The following GRIK2 variants were observed in gnomAD, a reference collection of about 807,000 sequenced individuals.
The protein encoded by GRIK2 is glutamate receptor ionotropic, kainate 2.
A neutral mutation model predicts 100.3 loss-of-function variants in GRIK2; 32 were observed. That is an observed-to-expected ratio of 0.32 (90% CI 0.24 to 0.43). The LOEUF (loss-of-function observed/expected upper bound fraction) is 0.43, where lower values mean the gene tolerates loss of function less well. GRIK2 is among the 20% of genes least tolerant of loss of function. The probability of loss-of-function intolerance (pLI) is 1.00; values close to 1 mark genes in which losing one functional copy is unlikely to be tolerated. For missense variants in GRIK2, 843 were observed against 1,114.9 expected (o/e 0.76, Z 3.47); for synonymous variants, 417 against 389.4 (o/e 1.07, Z -0.83).
chr6:101,973,088 T>G (rs1277116151), intron 14 of GRIK2, among the ~76,000 whole-genome samples: 2 of 151,864 alleles, frequency 1.3e-5, no homozygotes, highest in African/African-American at 4.8e-5. Context: ...GCCCAGAGTT[T>G]AATCATGAAA....
intron 7 of GRIK2, among the ~76,000 whole-genome samples, chr6:101,791,157 A>G (rs1779825427): frequency 6.6e-6 from 1 of 152,108 alleles, no homozygotes; most frequent in Non-Finnish European, 1.5e-5. Context: ...TCAAAAAACC[A>G]GCTCCTGGAT....
chr6:101,498,842 T>A (rs1369376809), intron 2 of GRIK2, among the ~76,000 whole-genome samples: 2 of 152,230 alleles, frequency 1.3e-5, no homozygotes, highest in Admixed American at 1.3e-4. Flanking sequence ...GATGGTAGTT[T>A]CTTTTGCTGT....
At chr6:101,577,529 C>T (rs1777847233) in intron 2 of GRIK2, among the ~76,000 whole-genome samples, 1 of 151,996 alleles carries the variant, frequency 6.6e-6, no homozygotes, top group African/African-American at 2.4e-5. Context: ...TATGAGCCTT[C>T]AATCCAAATA....
At position 101,676,718 on chromosome 6, in the gene GRIK2, C is replaced by G; in HGVS notation, c.637C>G (p.Pro213Ala). The G allele has an allele frequency of 6.2e-7, 1 of 1,606,470 alleles. No individual in the cohort carries two copies. The highest frequency in any genetic ancestry group is 8.5e-7 in the Non-Finnish European group (1 of 1,174,342). ...ACCTGCTGATACAAAGGATGCAAAACCCTTACTAAAAGAAATGAAAAGAGG... is the reference window on the plus strand; with the variant it reads ...ACCTGCTGATACAAAGGATGCAAAAGCCTTACTAAAAGAAATGAAAAGAGG... ...QLPADTKDAK[P>A]LLKEMKRGKE... The change falls in exon 5 of 17, where the codon CCC becomes GCC. Residue 213 changes from proline (P) to alanine (A), a missense_variant. Pro to Ala is a conservative substitution (Grantham distance 27, BLOSUM62 -1). Transcript: ENST00000369134.
intron 2 of GRIK2, among the ~76,000 whole-genome samples, chr6:101,486,392 G>A (rs1056215115): frequency 1.6e-5 from 1 of 61,026 alleles, no homozygotes; most frequent in South Asian, 5.9e-4. Context: ...GGGGTGGGGC[G>A]GGGGGGGGAA....
chr6:101,835,758 C>T (rs1783042424), intron 10 of GRIK2, among the ~76,000 whole-genome samples: 1 of 147,742 alleles, frequency 6.8e-6, no homozygotes, highest in African/African-American at 2.5e-5. Context: ...AACCATGGCG[C>T]CCAGCCTATG....
chr6:101,938,507 T>G (rs902289424), intron 14 of GRIK2, among the ~76,000 whole-genome samples: 3 of 152,142 alleles, frequency 2.0e-5, no homozygotes, highest in Admixed American at 6.6e-5. Flanking sequence ...ATGGTAAATG[T>G]CTTATTCTTA....
intron 2 of GRIK2, among the ~76,000 whole-genome samples, chr6:101,618,256 A>G (rs1005522947): frequency 6.6e-6 from 1 of 151,714 alleles, no homozygotes; most frequent in African/African-American, 2.4e-5. Flanking sequence ...TTAGAACTGC[A>G]GTATTATCAC....
intron 14 of GRIK2, among the ~76,000 whole-genome samples, chr6:102,014,449 G>T (rs1795721920): frequency 6.6e-6 from 1 of 151,824 alleles, no homozygotes; most frequent in Admixed American, 6.6e-5. Flanking sequence ...TTTCAGTGCA[G>T]GTCTGATTTC....
intron 4 of GRIK2, among the ~76,000 whole-genome samples, chr6:101,670,650 T>G (rs1770365122): frequency 6.6e-6 from 1 of 152,150 alleles, no homozygotes; most frequent in Admixed American, 6.5e-5. Context: ...ACGCCTTTCC[T>G]TTGGCAATGA....
chr6:101,849,585 G>T (rs932613755), intron 10 of GRIK2, among the ~76,000 whole-genome samples: 5 of 151,854 alleles, frequency 3.3e-5, no homozygotes, highest in Admixed American at 3.3e-4. Flanking sequence ...AAACTAGATT[G>T]CCCTCTTACT....
At chr6:101,737,653 T>G (rs1775733700) in intron 7 of GRIK2, among the ~76,000 whole-genome samples, 1 of 152,150 alleles carries the variant, frequency 6.6e-6, no homozygotes. Context: ...GGGACACAGA[T>G]CCAAACAATA....
intron 2 of GRIK2, among the ~76,000 whole-genome samples, chr6:101,449,178 C>A (rs1770533871): frequency 6.6e-6 from 1 of 151,580 alleles, no homozygotes; most frequent in Non-Finnish European, 1.5e-5. Flanking sequence ...AAAATTTTAA[C>A]CTCATTTGTA....
Position 101,927,020 on chromosome 6 carries a change from G to A in GRIK2, c.1868-1395G>A, listed in dbSNP as rs186166042. On this transcript the variant is annotated intron_variant, in intron 13 of 16. Transcript: ENST00000369134. The stretch of plus-strand genomic sequence containing the variant: ...GGGAGTATTTAGTGTTTCAGTGTCC[G>A]AGTGTGTGTCTGACAGGGCCTAGGA... Among the ~76,000 whole-genome samples, 48 of 152,218 alleles carry A rather than the reference G, an allele frequency of 3.2e-4. No homozygotes were observed. The East Asian group carries it at 8.7e-3, about 27-fold the overall frequency.
At chr6:101,813,691 C>T (rs1358639974) in intron 9 of GRIK2, among the ~76,000 whole-genome samples, 3 of 152,050 alleles carry the variant, frequency 2.0e-5, no homozygotes, top group Admixed American at 6.6e-5. Flanking sequence ...CGGCTGGGCA[C>T]GGTGGCTCAT....
At chr6:101,887,748 A>T (rs1190768722) in intron 11 of GRIK2, among the ~76,000 whole-genome samples, 1 of 152,070 alleles carries the variant, frequency 6.6e-6, no homozygotes, top group African/African-American at 2.4e-5. Context: ...GGAAGGGAGA[A>T]GTGCTACACA....
At chr6:101,904,870 T>G (rs538345330) in intron 12 of GRIK2, among the ~76,000 whole-genome samples, 43 of 151,662 alleles carry the variant, frequency 2.8e-4, no homozygotes, top group African/African-American at 1.0e-3. Context: ...GTGGATTAAT[T>G]ATGTAGATTT....
chr6:101,824,875 T>G (rs1027085675), intron 10 of GRIK2, among the ~76,000 whole-genome samples: 1 of 152,156 alleles, frequency 6.6e-6, no homozygotes, highest in African/African-American at 2.4e-5. Context: ...GAAGCAAATT[T>G]CCAATGACAA....
At chr6:101,968,476 G>A (rs1420794926) in intron 14 of GRIK2, among the ~76,000 whole-genome samples, 2 of 151,960 alleles carry the variant, frequency 1.3e-5, no homozygotes, top group Non-Finnish European at 2.9e-5. Context: ...TACTAGTCTG[G>A]TCAATAGAAG....
Sources: allele counts gnomAD v4.1 joint callset (sites outside exome capture counted in the v4.1 genomes callset), GRCh38; gene constraint gnomAD v4.1.1; transcripts MANE v1.5; gene names NCBI Gene and HGNC (gene_info 2026-07-23, HGNC 2026-07-21).